MAB21L3: variants seen among roughly 807,000 people sequenced by gnomAD.
MAB21L3 encodes protein mab-21-like 3.
MAB21L3 carries 36 observed loss-of-function variants against 37.7 expected under a neutral mutation model. That is an observed-to-expected ratio of 0.96 (90% CI 0.73 to 1.26). The LOEUF (loss-of-function observed/expected upper bound fraction) is 1.26, where lower values mean the gene tolerates loss of function less well. Ranked by LOEUF, MAB21L3 falls within the 50% of genes most tolerant of loss-of-function variation. MAB21L3 has a pLI of 0.00. For synonymous variants in MAB21L3, 186 were observed against 176.8 expected (o/e 1.05, Z -0.41); for missense variants, 430 against 447.3 (o/e 0.96, Z 0.35).
intron 3 of MAB21L3, among the ~76,000 whole-genome samples, chr1:116,116,552 A>G (rs145238511): frequency 1.3e-5 from 2 of 152,266 alleles, no homozygotes; most frequent in East Asian, 1.9e-4. Flanking sequence ...GAAGAGGATA[A>G]AGGGTAGGCC....
chr1:116,128,225 A>T lies in MAB21L3; in HGVS notation c.741A>T (p.Glu247Asp), dbSNP rs1244588405. Residue 247 changes from glutamate to aspartate, a missense_variant, in exon 7 of 8, where the codon GAA (glutamate) becomes GAT (aspartate). By Grantham distance (45) the Glu-to-Asp change is conservative. Transcript: ENST00000369500. ...SFLRAEQVLL[E>D]QLDEDGGCRR... Reference sequence around the variant, plus strand: ...TCCGTGCTGAGCAGGTGTTACTGGAACAGCTGGATGAAGATGGGGGCTGCC... The same window carrying T: ...TCCGTGCTGAGCAGGTGTTACTGGATCAGCTGGATGAAGATGGGGGCTGCC... 1 of 1,614,014 alleles carries T rather than the reference A, an allele frequency of 6.2e-7. No homozygotes were observed. Among genetic ancestry groups the T allele is most frequent in the Non-Finnish European group, 8.5e-7 (1 of 1,180,012 alleles).
At position 116,133,206 on chromosome 1, in the gene MAB21L3, C is replaced by A. The variant is rs112089326; in HGVS notation, c.930C>A (p.Arg310=). 2.8e-4 allele frequency: 448 copies of A among 1,614,094 alleles called. No homozygotes were observed. The highest frequency in any genetic ancestry group is 3.5e-4 in the Non-Finnish European group (412 of 1,180,050). The change falls in exon 8 of 8, where the codon CGC becomes CGA. Residue 310 remains arginine, a synonymous_variant. Transcript: ENST00000369500. Reference sequence around the variant, plus strand: ...AGGTCTTCAGCAAAGCATTTCTGCGCCTGGTGAGGAAACTGCACAAGTGCG... The same window carrying A: ...AGGTCTTCAGCAAAGCATTTCTGCGACTGGTGAGGAAACTGCACAAGTGCG... ...DWQVFSKAFL[R]LVRKLHKCVS...
rs1190905699 is a variant in MAB21L3, at chr1:116,137,254, A to G, written c.*3889A>G. On this transcript the variant is annotated 3_prime_UTR_variant, in exon 8 of 8. Coordinates refer to ENST00000369500, the MANE Select transcript of MAB21L3 (RefSeq NM_152367.3). ...GACAAAGGGCTAATATCCAGAATCT[A>G]CAATGAACTCAAACAAATTTACAAG... Among the ~76,000 whole-genome samples, 3 of 112,078 alleles carry G rather than the reference A, an allele frequency of 2.7e-5. No homozygotes were observed. Among genetic ancestry groups the G allele is most frequent in the African/African-American group, 1.5e-4 (2 of 13,766 alleles). The allele number at this position is 112,078 out of a possible 152,430, so 73.5% of individuals were successfully genotyped here.
intron 3 of MAB21L3, 141 bp from the exon 4 acceptor site, chr1:116,120,791 C>T (rs993673861): frequency 4.4e-5 from 44 of 997,756 alleles, no homozygotes; most frequent in African/African-American, 3.0e-4. Context: ...TTCATCTCCC[C>T]GGCATCTTGG....
intron 3 of MAB21L3, among the ~76,000 whole-genome samples, chr1:116,120,412 C>A (rs1659708629): frequency 7.8e-6 from 1 of 128,374 alleles, no homozygotes; most frequent in Admixed American, 7.2e-5. Flanking sequence ...TACACACACA[C>A]ACACACACAC....
chr1:116,124,298 A>G lies in MAB21L3; in HGVS notation c.422A>G (p.Lys141Arg). Residue 141 changes from lysine (K) to arginine (R), a missense_variant, in exon 5 of 8, where the codon AAG (lysine) becomes AGG (arginine). Physicochemically the swap from Lys to Arg is conservative, Grantham distance 26. Coordinates refer to ENST00000369500, the MANE Select transcript of MAB21L3 (RefSeq NM_152367.3). The part of the protein sequence containing the change: ...VNIDGDIVPA[K>R]VLLVFRKLVE... ...ATCGACGGAGACATTGTGCCTGCCAAGGTCCTCCTAGTGTTCCGGAAGCTG... is the reference window on the plus strand; with the variant it reads ...ATCGACGGAGACATTGTGCCTGCCAGGGTCCTCCTAGTGTTCCGGAAGCTG... 1.9e-6 allele frequency: 3 copies of G among 1,614,120 alleles called. No homozygotes were observed. Among genetic ancestry groups the G allele is most frequent in the South Asian group, 1.1e-5 (1 of 91,082 alleles).
At chr1:116,130,161 C>T (rs921568898) in intron 7 of MAB21L3, among the ~76,000 whole-genome samples, 10 of 152,218 alleles carry the variant, frequency 6.6e-5, no homozygotes, top group African/African-American at 9.7e-5. Context: ...AAATACCATT[C>T]GGTGACATGA....
intron 7 of MAB21L3, among the ~76,000 whole-genome samples, chr1:116,132,861 G>T (rs559238702): frequency 6.6e-6 from 1 of 152,112 alleles, no homozygotes; most frequent in Admixed American, 6.5e-5. Flanking sequence ...CATTTTCCCC[G>T]TAAAGTAGGA....
At chr1:116,130,837 C>T (rs987084987) in intron 7 of MAB21L3, among the ~76,000 whole-genome samples, 1 of 152,188 alleles carries the variant, frequency 6.6e-6, no homozygotes, top group Non-Finnish European at 1.5e-5. Flanking sequence ...GAGATAAAAG[C>T]TTAATTAACA....
At position 116,128,271 on chromosome 1, in the gene MAB21L3, A is replaced by G; in HGVS notation, c.787A>G (p.Met263Val). 1.2e-6 allele frequency: 2 copies of G among 1,614,132 alleles called. No homozygotes were observed. The highest frequency in any genetic ancestry group is 1.7e-6 in the Non-Finnish European group (2 of 1,180,010). The change falls in exon 7 of 8, where the codon ATG becomes GTG. Residue 263 changes from methionine to valine, a missense_variant. By Grantham distance (21) the Met-to-Val change is conservative (BLOSUM62 1). Coordinates refer to ENST00000369500, the MANE Select transcript of MAB21L3 (RefSeq NM_152367.3). Reference protein sequence around the residue: ...GGCRRKCFQVMRHLKEDIWCP... With the variant: ...GGCRRKCFQVVRHLKEDIWCP... ...CTGCCGTAGGAAGTGTTTTCAGGTCATGAGGCACCTGAAGGAGGACATCTG... is the reference window on the plus strand; with the variant it reads ...CTGCCGTAGGAAGTGTTTTCAGGTCGTGAGGCACCTGAAGGAGGACATCTG...
In MAB21L3 at chr1:116,135,153, C is replaced by G. The variant is rs927634609; in HGVS notation, c.*1788C>G. The stretch of plus-strand genomic sequence containing the variant: ...AGAGCAGAACTGAAGGAAATAGAGA[C>G]ACAAAAAACCCTTCAAAAAATTAAT... On this transcript the variant is annotated 3_prime_UTR_variant, in exon 8 of 8. Coordinates refer to ENST00000369500, the MANE Select transcript of MAB21L3 (RefSeq NM_152367.3). The G allele has an allele frequency of 6.6e-6, 1 of 151,676 alleles. No homozygotes were observed. The highest frequency in any genetic ancestry group is 2.4e-5 in the African/African-American group (1 of 41,190). The allele number at this position is 151,676 out of a possible 1,614,324, so 9.4% of individuals were successfully genotyped here.
intron 3 of MAB21L3, among the ~76,000 whole-genome samples, chr1:116,116,057 G>C (rs544159011): frequency 6.6e-6 from 1 of 152,304 alleles, no homozygotes; most frequent in African/African-American, 2.4e-5. Context: ...GTGTCTACTT[G>C]TGTTAGAGCC....
Position 116,133,298 on chromosome 1 carries a change from C to T in MAB21L3, c.1022C>T (p.Thr341Ile). Reference protein sequence around the residue: ...NSNLFQCTNPTELDTVAQKLA... With the variant: ...NSNLFQCTNPIELDTVAQKLA... The stretch of plus-strand genomic sequence containing the variant: ...AACCTCTTTCAGTGCACCAACCCGA[C>T]TGAACTGGACACTGTGGCCCAAAAG... Residue 341 changes from threonine (T) to isoleucine (I), a missense_variant, in exon 8 of 8, where the codon ACT becomes ATT. Coordinates refer to ENST00000369500, the MANE Select transcript of MAB21L3 (RefSeq NM_152367.3). The T allele has an allele frequency of 3.7e-6, 6 of 1,614,226 alleles. No individual in the cohort carries two copies. The highest frequency in any genetic ancestry group is 5.1e-6 in the Non-Finnish European group (6 of 1,180,034).
At chr1:116,123,977 T>C (rs1557930979) in intron 4 of MAB21L3, 89 bp from the exon 5 acceptor site, 3 of 1,377,184 alleles carry the variant, frequency 2.2e-6, no homozygotes, top group Non-Finnish European at 3.0e-6. Context: ...TTAACAGAGC[T>C]GCCTGACGAG....
At chr1:116,128,841 C>A (rs1659987141) in intron 7 of MAB21L3, among the ~76,000 whole-genome samples, 1 of 152,196 alleles carries the variant, frequency 6.6e-6, no homozygotes, top group Non-Finnish European at 1.5e-5. Flanking sequence ...CAGAGGTTAC[C>A]ACACACGTAG....
chr1:116,116,888 G>GT (rs1022538983), intron 3 of MAB21L3, among the ~76,000 whole-genome samples: 44 of 152,244 alleles, frequency 2.9e-4, no homozygotes, highest in Non-Finnish European at 5.0e-4. Flanking sequence ...AATAACCTGT[G>GT]TAACAAGTGA....
intron 3 of MAB21L3, among the ~76,000 whole-genome samples, chr1:116,116,630 T>C (rs1474507768): frequency 6.6e-6 from 1 of 152,152 alleles, no homozygotes; most frequent in Non-Finnish European, 1.5e-5. Flanking sequence ...GGAGAGCCTG[T>C]CTAATTCTAC....
chr1:116,112,282 T>C (rs976581020), intron 2 of MAB21L3, 125 bp from the exon 3 acceptor site: 4 of 232,232 alleles, frequency 1.7e-5, no homozygotes, highest in Middle Eastern at 1.8e-3. Flanking sequence ...GAAATACAAT[T>C]TGGAAAATTG....
Position 116,136,030 on chromosome 1 carries a change from G to C in MAB21L3, c.*2665G>C, listed in dbSNP as rs1453565341. Among the ~76,000 whole-genome samples the C allele has an allele frequency of 1.3e-5, 2 of 149,440 alleles. No homozygotes were observed. The highest frequency in any genetic ancestry group is 3.0e-5 in the Non-Finnish European group (2 of 67,602). On this transcript the variant is annotated 3_prime_UTR_variant, in exon 8 of 8. Transcript: ENST00000369500. ...ACCCACAGGCAATATCATACTGAAT[G>C]GGCAAAAACTGGAAGCATTCCCTTT...
Sources: allele counts gnomAD v4.1 joint callset (sites outside exome capture counted in the v4.1 genomes callset), GRCh38; gene constraint gnomAD v4.1.1; transcripts MANE v1.5; gene names NCBI Gene and HGNC (gene_info 2026-07-23, HGNC 2026-07-21).